Variants in TERT observed in about 807,000 individuals in gnomAD.
TERT encodes the protein telomerase catalytic subunit.
A neutral mutation model predicts 104.0 loss-of-function variants in TERT; 42 were observed. The observed-to-expected ratio is 0.40, with a 90% CI of 0.32 to 0.52. The LOEUF (loss-of-function observed/expected upper bound fraction) is 0.52. Among genes scored for constraint, TERT ranks in the 20% least tolerant of loss-of-function variants. The pLI is 0.43. For synonymous variants in TERT, 781 were observed against 725.6 expected (o/e 1.08, Z -1.23); for missense variants, 1,101 against 1,610.3 (o/e 0.68, Z 5.41).
At position 1,282,624 on chromosome 5, in the gene TERT, C is replaced by A. The variant is rs1477152090; in HGVS notation, c.1574G>T (p.Gly525Val). The part of the protein sequence containing the change: ...RDCAWLRRSP[G>V]VGCVPAAEHR... ...CTCTGCGGCCGGAACACAGCCAACC[C>A]CTTAAACGAGAAGGACATGCCACAT... The change falls in exon 3 of 16, where the codon GGG becomes GTG. Residue 525 changes from glycine to valine, a missense_variant and splice_region_variant. Transcript: ENST00000310581. The A allele has an allele frequency of 6.2e-7, 1 of 1,614,002 alleles. No individual in the cohort carries two copies. The highest frequency in any genetic ancestry group is 8.5e-7 in the Non-Finnish European group (1 of 1,180,004).
At chr5:1,291,605 T>TGACAGGGACACCCGGGGATGGC (rs1750976490) in intron 2 of TERT, among the ~76,000 whole-genome samples, 1 of 4,532 alleles carries the variant, frequency 2.2e-4, no homozygotes, top group African/African-American at 1.4e-3. Context: ...CCGGGGACAG[T>TGACAGGGACACCCGGGGATGGC]GCCTCACTCA....
rs1329107564 is a variant in TERT at position 1,274,170 on chromosome 5, G to C, written c.2287-1890C>G. Among the ~76,000 whole-genome samples, 2 of 152,228 alleles carry C rather than the reference G, an allele frequency of 1.3e-5. No individual in the cohort carries two copies. Among genetic ancestry groups the C allele is most frequent in the Non-Finnish European group, 2.9e-5 (2 of 68,044 alleles). On this transcript the variant is annotated intron_variant, in intron 6 of 15. Transcript: ENST00000310581. The surrounding 1 kb of genome is among the most constrained non-coding windows in gnomAD (Gnocchi z 5.3). ...GCTTCAGCATGTTCCCCAGCCCCCA[G>C]GAGCTGGCGGCAGGGCCGTGGGCTA...
rs1392726628 is a variant in TERT at position 1,255,721 on chromosome 5, C to T, written c.3033-310G>A. ...CCCCCCATGCTGGCTTCTGATTAGC[C>T]CCTGTTCCGGGAAGGCCTCTAAGGT... On this transcript the variant is annotated intron_variant, in intron 13 of 15. Coordinates refer to ENST00000310581, the MANE Select transcript of TERT (RefSeq NM_198253.3). This position sits in a 1 kb window ranked among gnomAD's most constrained non-coding sequence, Gnocchi z 6.9. Among the ~76,000 whole-genome samples, 1 of 152,186 alleles carries T rather than the reference C, an allele frequency of 6.6e-6. No homozygotes were observed. Among genetic ancestry groups the T allele is most frequent in the Non-Finnish European group, 1.5e-5 (1 of 68,024 alleles).
Position 1,287,094 on chromosome 5 carries a change from C to CA in TERT, c.1574-4471dup, listed in dbSNP as rs35402043. ...AGTGCACCAGGCGGGTCTCTAGTGA[C>CA]AAAAAAATGAAAATAAATCAGGTTA... On this transcript the variant is annotated intron_variant, in intron 2 of 15. Transcript: ENST00000310581. This position sits in a 1 kb window ranked among gnomAD's most constrained non-coding sequence, Gnocchi z 4.3. Among the ~76,000 whole-genome samples, 253 of 151,884 alleles carry CA rather than the reference C, an allele frequency of 1.7e-3. No homozygotes were observed. Among genetic ancestry groups the CA allele is most frequent in the South Asian group, 2.9e-3 (14 of 4,806 alleles).
Position 1,260,611 on chromosome 5 carries a change from G to C in TERT, c.2844-11C>G, listed in dbSNP as rs769320387. On this transcript the variant is annotated splice_polypyrimidine_tract_variant and intron_variant, in intron 11 of 15. Coordinates refer to ENST00000310581, the MANE Select transcript of TERT (RefSeq NM_198253.3). ...GAGGTCCGGGCATAGCTGAGACACA[G>C]GGGGGAATGTCAGACACAGGTGCCT... is the stretch of plus-strand genomic sequence containing the variant. 6.2e-7 allele frequency: 1 copy of C among 1,612,194 alleles called. No homozygotes were observed. The highest frequency in any genetic ancestry group is 1.7e-5 in the Admixed American group (1 of 59,982).
Position 1,279,416 on chromosome 5 carries a change from G to A in TERT, c.2005C>T (p.Arg669Trp), listed in dbSNP as rs372140951. 18 of 1,551,682 alleles carry A rather than the reference G, an allele frequency of 1.2e-5. No homozygotes were observed. The highest frequency in any genetic ancestry group is 1.5e-5 in the Non-Finnish European group (17 of 1,148,834). ...CCCAGGAGGCCGGGGCGCCGCGCCCGCTCGTAGTTGAGCACGCTGAACAGT... is the reference window on the plus strand; with the variant it reads ...CCCAGGAGGCCGGGGCGCCGCGCCCACTCGTAGTTGAGCACGCTGAACAGT... ...KALFSVLNYERARRPGLLGAS... is the reference protein window; with the variant it reads ...KALFSVLNYEWARRPGLLGAS... Residue 669 changes from arginine (R) to tryptophan (W), a missense_variant, in exon 5 of 16, where the codon CGG (arginine) becomes TGG (tryptophan). This residue lies in a region of TERT where 463 missense variants were observed against 797.5 expected (regional missense o/e 0.58). Transcript: ENST00000310581.
intron 6 of TERT, among the ~76,000 whole-genome samples, chr5:1,277,405 T>G (rs1039398251): frequency 1.3e-5 from 2 of 152,158 alleles, no homozygotes; most frequent in African/African-American, 4.8e-5. Context: ...GAAGGATACA[T>G]CCACGTGGCG....
intron 13 of TERT, 83 bp downstream of exon 13, chr5:1,258,515 C>T (rs1295950746): frequency 2.3e-6 from 3 of 1,307,160 alleles, no homozygotes; most frequent in Non-Finnish European, 3.2e-6. Flanking sequence ...CCCAGGAGTT[C>T]CAAGGTGAAG....
Position 1,264,572 on chromosome 5 carries a change from G to T in TERT, c.2675C>A (p.Pro892His). 1 of 1,613,986 alleles carries T rather than the reference G, an allele frequency of 6.2e-7. No individual in the cohort carries two copies. Among genetic ancestry groups the T allele is most frequent in the Non-Finnish European group, 8.5e-7 (1 of 1,180,018 alleles). ...CAAGTTCACCACGCAGCCATACTCA[G>T]GGACACCTCGGACCAGGGTCCTAAG... ...TFLRTLVRGVPEYGCVVNLRK... is the reference protein window; with the variant it reads ...TFLRTLVRGVHEYGCVVNLRK... The change falls in exon 11 of 16, where the codon CCT (proline) becomes CAT (histidine). Residue 892 changes from proline (P) to histidine (H), a missense_variant. Physicochemically the swap from Pro to His is moderately conservative, Grantham distance 77 (BLOSUM62 -2). Around this residue, in one of 5 missense-constraint regions of TERT, gnomAD observed 463 missense variants for 797.5 expected, o/e 0.58. Transcript: ENST00000310581.
chr5:1,280,501 G>A (rs1300205618), intron 3 of TERT, among the ~76,000 whole-genome samples, 163 bp from the exon 4 acceptor site: 2 of 152,182 alleles, frequency 1.3e-5, no homozygotes, highest in East Asian at 3.9e-4. Flanking sequence ...ATGCCAGCCA[G>A]ACGCCTCTGA....
rs1338098756 is a variant in TERT, at chr5:1,293,459, C to T, written c.1427G>A (p.Gly476Asp). The T allele has an allele frequency of 1.2e-6, 2 of 1,609,670 alleles. No homozygotes were observed. Among genetic ancestry groups the T allele is most frequent in the African/African-American group, 1.3e-5 (1 of 74,872 alleles). Residue 476 changes from glycine to aspartate, a missense_variant, in exon 2 of 16, where the codon GGC becomes GAC. This residue lies in a region of TERT where 504 missense variants were observed against 544.6 expected (regional missense o/e 0.93). Transcript: ENST00000310581. ...TTCGTTGTGCCTGGAGCCCCAGAGG[C>T]CTGGGGGCACCAGCCGGCGCAGGCA... is the stretch of plus-strand genomic sequence containing the variant. ...RACLRRLVPPGLWGSRHNERR... is the reference protein window; with the variant it reads ...RACLRRLVPPDLWGSRHNERR...
chr5:1,285,327 T>C (rs941084739), intron 2 of TERT, among the ~76,000 whole-genome samples: 4 of 152,102 alleles, frequency 2.6e-5, no homozygotes, highest in Non-Finnish European at 4.4e-5. Flanking sequence ...ACCTGCACCA[T>C]CTGGTACAAC....
rs1167605761 is a variant in TERT, at chr5:1,263,735, G to A, written c.2843+669C>T. On this transcript the variant is annotated intron_variant, in intron 11 of 15. Transcript: ENST00000310581. This position sits in a 1 kb window ranked among gnomAD's most constrained non-coding sequence, Gnocchi z 5.3. ...ATGTTGATACTTTTTATTCATAAAA[G>A]AAACAGCACAGATTTCTGCATCTGT... 1.3e-5 allele frequency among the ~76,000 whole-genome samples: 2 copies of A among 152,244 alleles called. No homozygotes were observed. The highest frequency in any genetic ancestry group is 2.9e-5 in the Non-Finnish European group (2 of 68,040).
At chr5:1,284,098 T>C (rs1391927995) in intron 2 of TERT, among the ~76,000 whole-genome samples, 15 of 136,274 alleles carry the variant, frequency 1.1e-4, no homozygotes, top group African/African-American at 3.7e-4. Flanking sequence ...ACCCCGGACC[T>C]GCATCATCCG....
Position 1,262,995 on chromosome 5 carries a change from T to C in TERT, c.2843+1409A>G, listed in dbSNP as rs1002845492. On this transcript the variant is annotated intron_variant, in intron 11 of 15. Transcript: ENST00000310581. This position sits in a 1 kb window ranked among gnomAD's most constrained non-coding sequence, Gnocchi z 5.6. ...AAGGCTGTGAGAGGGAAGCAGGGAC[T>C]GTGGGGAGCACAGGAGACCGGCATC... is the stretch of plus-strand genomic sequence containing the variant. Among the ~76,000 whole-genome samples, 4 of 152,160 alleles carry C rather than the reference T, an allele frequency of 2.6e-5. No individual in the cohort carries two copies. Among genetic ancestry groups the C allele is most frequent in the African/African-American group, 9.7e-5 (4 of 41,434 alleles).
intron 13 of TERT, 123 bp downstream of exon 13, chr5:1,258,475 G>GA: frequency 1.1e-6 from 1 of 880,554 alleles, no homozygotes; most frequent in African/African-American, 1.7e-5. Flanking sequence ...CAGCACCACT[G>GA]AAAACGTAAG....
In TERT at chr5:1,270,857, C is replaced by T. The variant is rs570452835; in HGVS notation, c.2468+262G>A. The stretch of plus-strand genomic sequence containing the variant: ...CACACCCCCCGCCCCTCGTCCTCCA[C>T]GCAGGAGCAACTCCACACCCCGCTT... On this transcript the variant is annotated intron_variant, in intron 8 of 15. Transcript: ENST00000310581. The surrounding 1 kb of genome is among the most constrained non-coding windows in gnomAD (Gnocchi z 8.3). Among the ~76,000 whole-genome samples, 10 of 152,240 alleles carry T rather than the reference C, an allele frequency of 6.6e-5. No homozygotes were observed. The highest frequency in any genetic ancestry group is 1.9e-4 in the African/African-American group (8 of 41,462).
chr5:1,260,471 C>T lies in TERT; in HGVS notation c.2970+3G>A. ...ACTCTGTGCTGACCATCAGCCTGCT[C>T]ACCTGCAAATCCAGAAACAGGCTGT... On this transcript the variant is annotated splice_donor_region_variant and intron_variant, in intron 12 of 15. Transcript: ENST00000310581. 6.2e-7 allele frequency: 1 copy of T among 1,614,014 alleles called. No individual in the cohort carries two copies. The highest frequency in any genetic ancestry group is 8.5e-7 in the Non-Finnish European group (1 of 1,179,974).
Position 1,262,515 on chromosome 5 carries a change from T to G in TERT, c.2843+1889A>C, listed in dbSNP as rs1205133677. Among the ~76,000 whole-genome samples, 1 of 152,210 alleles carries G rather than the reference T, an allele frequency of 6.6e-6. No individual in the cohort carries two copies. Among genetic ancestry groups the G allele is most frequent in the Non-Finnish European group, 1.5e-5 (1 of 68,036 alleles). The stretch of plus-strand genomic sequence containing the variant: ...GCCCTTCAAGCCTCTGCTGTATACT[T>G]CAGACACAGAGGATGTGAGTTCACC... On this transcript the variant is annotated intron_variant, in intron 11 of 15. Transcript: ENST00000310581. The surrounding 1 kb of genome is among the most constrained non-coding windows in gnomAD (Gnocchi z 5.6).
Sources: allele counts gnomAD v4.1 joint callset (sites outside exome capture counted in the v4.1 genomes callset), GRCh38; gene constraint gnomAD v4.1.1; regional missense constraint gnomAD v4.1.1; non-coding constraint Gnocchi (gnomAD v3.1); transcripts MANE v1.5; gene names NCBI Gene and HGNC (gene_info 2026-07-23, HGNC 2026-07-21).